Variants in CYB5R4 observed in about 807,000 individuals in gnomAD.
CYB5R4 encodes N-terminal cytochrome b5 and cytochrome b5 oxidoreductase domain-containing protein.
In CYB5R4, 55 loss-of-function variants were observed where a neutral mutation model predicts 70.2. The observed-to-expected ratio is 0.78, with a 90% CI of 0.63 to 0.98. CYB5R4 has a LOEUF of 0.98. Ranked by LOEUF, CYB5R4 falls within the 50% of genes least tolerant of loss-of-function variation. The pLI, the probability that CYB5R4 is intolerant of heterozygous loss-of-function variation, is 0.00. For synonymous variants in CYB5R4, 197 were observed against 199.5 expected (o/e 0.99, Z 0.11); for missense variants, 562 against 612.6 (o/e 0.92, Z 0.87).
rs368490709 is a variant in CYB5R4 at position 83,932,842 on chromosome 6, C to T, written c.815-1753C>T. Among the ~76,000 whole-genome samples, 9 of 152,280 alleles carry T rather than the reference C, an allele frequency of 5.9e-5. No individual in the cohort carries two copies. The East Asian group carries it at 7.7e-4, about 13-fold the overall frequency. On this transcript the variant is annotated intron_variant, in intron 10 of 15. Transcript: ENST00000369681. ...TCAGACAGAGCCAAGGATGAGAAGACAAGGGGGACAGGCAGTAAGAGTGCA... is the reference window on the plus strand; with the variant it reads ...TCAGACAGAGCCAAGGATGAGAAGATAAGGGGGACAGGCAGTAAGAGTGCA...
intron 1 of CYB5R4, among the ~76,000 whole-genome samples, chr6:83,860,811 C>G (rs1008083741): frequency 6.6e-6 from 1 of 152,214 alleles, no homozygotes; most frequent in Non-Finnish European, 1.5e-5. Context: ...CCAGAGATTT[C>G]TTAAGTACTT....
chr6:83,922,259 T>C (rs934179954), intron 8 of CYB5R4, among the ~76,000 whole-genome samples, 179 bp from the exon 9 acceptor site: 5 of 152,236 alleles, frequency 3.3e-5, no homozygotes, highest in African/African-American at 1.2e-4. Context: ...TGAAAATGTA[T>C]GTATTTAAAT....
rs1398623671 is a variant in CYB5R4, at chr6:83,961,909, T to G, written c.*2031T>G. 1.3e-5 allele frequency: 2 copies of G among 148,670 alleles called. No individual in the cohort carries two copies. Among genetic ancestry groups the G allele is most frequent in the Non-Finnish European group, 3.0e-5 (2 of 67,602 alleles). The allele number at this position is 148,670 out of a possible 1,614,324, so 9.2% of individuals were successfully genotyped here. On this transcript the variant is annotated 3_prime_UTR_variant, in exon 16 of 16. Transcript: ENST00000369681. ...TATTTTATTTATATTTTGTTTATAT[T>G]TTGTTATATTTTATTATATTTTGTT...
At chr6:83,877,166 A>G (rs528528641) in intron 2 of CYB5R4, among the ~76,000 whole-genome samples, 10 of 152,260 alleles carry the variant, frequency 6.6e-5, no homozygotes, top group African/African-American at 1.2e-4. Flanking sequence ...TCTGTTGGCT[A>G]TGAATTCCCT....
chr6:83,904,496 G>A (rs950535890), intron 3 of CYB5R4, among the ~76,000 whole-genome samples: 6 of 152,166 alleles, frequency 3.9e-5, no homozygotes, highest in African/African-American at 7.2e-5. Context: ...GAAAAAAAAT[G>A]TGTATTCTGC....
At chr6:83,952,774 A>G (rs954262200) in intron 14 of CYB5R4, among the ~76,000 whole-genome samples, 19 of 152,066 alleles carry the variant, frequency 1.2e-4, no homozygotes, top group Middle Eastern at 3.4e-3. Flanking sequence ...TAAATATTAT[A>G]TATCAGATAG....
chr6:83,870,592 T>G (rs1382809321), intron 2 of CYB5R4, among the ~76,000 whole-genome samples: 3 of 152,078 alleles, frequency 2.0e-5, no homozygotes, highest in African/African-American at 7.2e-5. Context: ...TAATTTGTAA[T>G]AGAACATATT....
rs149291249 is a variant in CYB5R4, at chr6:83,938,116, C to T, written c.1108+1740C>T. Among the ~76,000 whole-genome samples the T allele has an allele frequency of 3.7e-3, 569 of 152,200 alleles. 3 individuals are homozygous for T. The highest frequency in any genetic ancestry group is 6.6e-3 in the Non-Finnish European group (452 of 67,984). On this transcript the variant is annotated intron_variant, in intron 12 of 15. Coordinates refer to ENST00000369681, the MANE Select transcript of CYB5R4 (RefSeq NM_016230.4). ...CACATAATAGATATGATTAGTCATC[C>T]TTGGTTACGTAAACCAAAATATTGT...
intron 1 of CYB5R4, among the ~76,000 whole-genome samples, chr6:83,861,716 C>T (rs1272133518): frequency 2.6e-5 from 4 of 152,206 alleles, no homozygotes; most frequent in Non-Finnish European, 5.9e-5. Context: ...CCCTGAGCTA[C>T]TGGGATAGGC....
At chr6:83,946,136 GC>G (rs1306541245) in intron 14 of CYB5R4, among the ~76,000 whole-genome samples, 3 of 152,198 alleles carry the variant, frequency 2.0e-5, no homozygotes, top group Non-Finnish European at 4.4e-5. Context: ...AAAATTTCAG[GC>G]CAATATCCCT....
chr6:83,943,271 C>A (rs920588201), intron 14 of CYB5R4, among the ~76,000 whole-genome samples: 1 of 152,134 alleles, frequency 6.6e-6, no homozygotes, highest in Non-Finnish European at 1.5e-5. Context: ...AAGGAACAGG[C>A]AGCAATCTTT....
chr6:83,883,565 C>A (rs1222084961), intron 2 of CYB5R4, among the ~76,000 whole-genome samples: 4 of 152,050 alleles, frequency 2.6e-5, no homozygotes, highest in African/African-American at 9.7e-5. Context: ...AGACAGAATT[C>A]TTGAAGGATA....
intron 4 of CYB5R4, among the ~76,000 whole-genome samples, chr6:83,912,843 G>A (rs1441029275): frequency 3.9e-5 from 6 of 152,140 alleles, no homozygotes; most frequent in Non-Finnish European, 8.8e-5. Context: ...TTCTTTAAGT[G>A]GAAGTTCTCT....
At chr6:83,911,702 T>A (rs1262120576) in intron 4 of CYB5R4, among the ~76,000 whole-genome samples, 1 of 152,096 alleles carries the variant, frequency 6.6e-6, no homozygotes, top group Non-Finnish European at 1.5e-5. Context: ...CTTCTGTGCT[T>A]CAATAACACC....
At chr6:83,895,172 CTGTG>C (rs2099461674) in intron 3 of CYB5R4, among the ~76,000 whole-genome samples, 1 of 152,046 alleles carries the variant, frequency 6.6e-6, no homozygotes, top group African/African-American at 2.4e-5. Context: ...TGCTGTCTGT[CTGTG>C]TATCTATGAG....
intron 1 of CYB5R4, 59 bp from the exon 2 acceptor site, chr6:83,864,116 T>G: frequency 6.9e-7 from 1 of 1,440,150 alleles, no homozygotes; most frequent in Non-Finnish European, 9.3e-7. Context: ...TTTATTATCT[T>G]TTAAAATGGA....
At chr6:83,952,260 G>C (rs2099471670) in intron 14 of CYB5R4, among the ~76,000 whole-genome samples, 1 of 152,148 alleles carries the variant, frequency 6.6e-6, no homozygotes, top group East Asian at 1.9e-4. Flanking sequence ...CCTGCAAAAT[G>C]TGCTTGACAT....
intron 2 of CYB5R4, among the ~76,000 whole-genome samples, chr6:83,873,741 T>A (rs1484969127): frequency 6.6e-6 from 1 of 152,152 alleles, no homozygotes; most frequent in African/African-American, 2.4e-5. Flanking sequence ...AAAATAGAGA[T>A]GGCTTGTGCT....
intron 2 of CYB5R4, among the ~76,000 whole-genome samples, chr6:83,872,902 C>T (rs2099457868): frequency 6.6e-6 from 1 of 152,150 alleles, no homozygotes; most frequent in Non-Finnish European, 1.5e-5. Context: ...AAAAGTGATA[C>T]TGTTGCTAGA....
Sources: allele counts gnomAD v4.1 joint callset (sites outside exome capture counted in the v4.1 genomes callset), GRCh38; gene constraint gnomAD v4.1.1; transcripts MANE v1.5; gene names NCBI Gene and HGNC (gene_info 2026-07-23, HGNC 2026-07-21).